Variants in DSP observed in about 807,000 individuals in gnomAD.
DSP encodes desmoplakin.
A neutral mutation model predicts 290.6 loss-of-function variants in DSP; 114 were observed. The observed-to-expected ratio is 0.39, with a 90% CI of 0.34 to 0.46. The LOEUF is 0.46. Among genes scored for constraint, DSP ranks in the 20% least tolerant of loss-of-function variants. DSP has a pLI of 0.99. For missense variants in DSP, 3,230 were observed against 3,495.8 expected, an observed-to-expected ratio of 0.92 and a Z score of 1.92; for synonymous variants, 1,311 against 1,316.4, an observed-to-expected ratio of 1.00 and a Z score of 0.09.
At chr6:7,542,548 T>C (rs1393138752) in intron 1 of DSP, among the ~76,000 whole-genome samples, 1 of 152,188 alleles carries the variant, frequency 6.6e-6, no homozygotes, top group African/African-American at 2.4e-5. Context: ...CCGCAGTCTC[T>C]ACCGGCTCAC....
In DSP at chr6:7,583,597, A is replaced by G. The variant is rs1396179636; in HGVS notation, c.6335A>G (p.Lys2112Arg). 2 of 1,614,214 alleles carry G rather than the reference A, an allele frequency of 1.2e-6. No homozygotes were observed. Among genetic ancestry groups the G allele is most frequent in the Admixed American group, 1.7e-5 (1 of 60,024 alleles). Residue 2112 changes from lysine (K) to arginine (R), a missense_variant, in exon 24 of 24, where the codon AAG becomes AGG. Lys to Arg is a conservative substitution (Grantham distance 26). Coordinates refer to ENST00000379802, the MANE Select transcript of DSP (RefSeq NM_004415.4). This position sits in a 1 kb window ranked among gnomAD's most constrained non-coding sequence, Gnocchi z 4.0. ...ACAGTATCTGTTTCAGAAGCCATCA[A>G]GAAAAATTTGATTGATAGAGAAACC... ...GKTVSVSEAI[K>R]KNLIDRETGM...
chr6:7,584,136 C>T lies in DSP; in HGVS notation c.6874C>T (p.Leu2292=), dbSNP rs779573036. Residue 2292 remains leucine, a synonymous_variant, in exon 24 of 24, where the codon CTG becomes TTG. Transcript: ENST00000379802. This position sits in a 1 kb window ranked among gnomAD's most constrained non-coding sequence, Gnocchi z 6.4. ...CCGACCTGGTACTGCTCTGGAGTTG[C>T]TGGAAGCCCAAGCAGCTACTGGCTT... ...LVRPGTALEL[L]EAQAATGFIV... The T allele has an allele frequency of 2.5e-6, 4 of 1,614,042 alleles. No homozygotes were observed. The highest frequency in any genetic ancestry group is 1.7e-5 in the Admixed American group (1 of 60,008).
At position 7,580,894 on chromosome 6, in the gene DSP, G is replaced by A; in HGVS notation, c.4704G>A (p.Leu1568=). The change falls in exon 23 of 24, where the codon CTG becomes CTA. Residue 1568 remains leucine (L), a synonymous_variant. Transcript: ENST00000379802. This position sits in a 1 kb window ranked among gnomAD's most constrained non-coding sequence, Gnocchi z 4.2. The part of the protein sequence containing the change: ...RFQNSLKELQ[L]QKQKVEEELN... ...AGAACTCTCTGAAAGAGCTGCAGCT[G>A]CAGAAGCAGAAGGTGGAAGAGGAGC... 1.2e-6 allele frequency: 2 copies of A among 1,614,170 alleles called. No individual in the cohort carries two copies. The highest frequency in any genetic ancestry group is 1.7e-6 in the Non-Finnish European group (2 of 1,180,034).
At position 7,566,319 on chromosome 6, in the gene DSP, G is replaced by T. The variant is rs553654092; in HGVS notation, c.940-58G>T. 4.2e-5 allele frequency: 57 copies of T among 1,346,832 alleles called. No homozygotes were observed. In the African/African-American group the frequency reaches 7.2e-4, roughly 17 times the overall value. 83.4% of individuals were successfully genotyped at this position (1,346,832 alleles called of 1,614,324 possible). A position where few individuals can be genotyped will look rare whatever the true frequency, so the allele number is the denominator to read the frequency against. On this transcript the variant is annotated intron_variant, in intron 7 of 23. Transcript: ENST00000379802. ...TTTCACTTTTAAAAAGTACTGTGGGGGTGATGGAAGTTTAATGATGACTTG... is the reference window on the plus strand; with the variant it reads ...TTTCACTTTTAAAAAGTACTGTGGGTGTGATGGAAGTTTAATGATGACTTG...
rs375529790 is a variant in DSP at position 7,558,096 on chromosome 6, A to C, written c.274-20A>C. ...TTCCTGGTAGTATGTGTTTTCCTTC[A>C]TGTGAGTGTTTTCTTTCAGGAATTG... On this transcript the variant is annotated intron_variant, in intron 2 of 23. Transcript: ENST00000379802. 1.9e-6 allele frequency: 3 copies of C among 1,614,188 alleles called. No individual in the cohort carries two copies. The highest frequency in any genetic ancestry group is 1.7e-6 in the Non-Finnish European group (2 of 1,180,012).
chr6:7,570,607 G>A lies in DSP; in HGVS notation c.1701+44G>A, dbSNP rs200320117. Reference sequence around the variant, plus strand: ...TTAGGCTGCCTGGAGGGAGGGCAGCGCTGCCCCCCGCAGTGCCTGTGTCCA... The same window carrying A: ...TTAGGCTGCCTGGAGGGAGGGCAGCACTGCCCCCCGCAGTGCCTGTGTCCA... On this transcript the variant is annotated intron_variant, in intron 13 of 23. Coordinates refer to ENST00000379802, the MANE Select transcript of DSP (RefSeq NM_004415.4). 1.0e-3 allele frequency: 1,615 copies of A among 1,610,294 alleles called. 3 individuals carry two copies. The highest frequency in any genetic ancestry group is 1.2e-3 in the Non-Finnish European group (1,382 of 1,179,548).
At chr6:7,574,620 C>T in intron 16 of DSP, 37 bp from the exon 17 acceptor site, 1 of 1,613,720 alleles carries the variant, frequency 6.2e-7, no homozygotes, top group Non-Finnish European at 8.5e-7. Context: ...CTAATTATGT[C>T]ACTGGCAATT....
chr6:7,586,625 A>G lies in DSP; in HGVS notation c.*747A>G, dbSNP rs1408791886. On this transcript the variant is annotated 3_prime_UTR_variant, in exon 24 of 24. Coordinates refer to ENST00000379802, the MANE Select transcript of DSP (RefSeq NM_004415.4). Reference sequence around the variant, plus strand: ...TTATAAGCATGTATAAACATTTAGCATATTTTTATCATAGGTCTAAAAATA... The same window carrying G: ...TTATAAGCATGTATAAACATTTAGCGTATTTTTATCATAGGTCTAAAAATA... 6.6e-6 allele frequency: 1 copy of G among 152,238 alleles called. No homozygotes were observed. The highest frequency in any genetic ancestry group is 1.5e-5 in the Non-Finnish European group (1 of 68,048). The allele number at this position is 152,238 out of a possible 1,614,324, so 9.4% of individuals were successfully genotyped here.
In DSP at chr6:7,574,120, T is replaced by G. The variant is rs1220579806; in HGVS notation, c.2165T>G (p.Val722Gly). 1.2e-6 allele frequency: 2 copies of G among 1,614,000 alleles called. No individual in the cohort carries two copies. The highest frequency in any genetic ancestry group is 1.7e-5 in the Admixed American group (1 of 60,006). The change falls in exon 16 of 24, where the codon GTT becomes GGT. Residue 722 changes from valine (V) to glycine (G), a missense_variant. Physicochemically the swap from Val to Gly is moderately radical, Grantham distance 109. Around this residue, in one of 5 missense-constraint regions of DSP, gnomAD observed 1,714 missense variants for 1,844.5 expected, o/e 0.93. Coordinates refer to ENST00000379802, the MANE Select transcript of DSP (RefSeq NM_004415.4). ...VQNDSQAIAEVLNQLKDMLAN... is the reference protein window; with the variant it reads ...VQNDSQAIAEGLNQLKDMLAN... ...AATGATTCACAAGCAATTGCTGAGG[T>G]TCTCAACCAGCTTAAAGATATGCTT...
chr6:7,563,250 A>C (rs1267321175), intron 5 of DSP, among the ~76,000 whole-genome samples: 1 of 152,168 alleles, frequency 6.6e-6, no homozygotes, highest in Admixed American at 6.5e-5. Flanking sequence ...ATTACAGCAT[A>C]AAATCATAAC....
chr6:7,549,550 T>C (rs1383977744), intron 1 of DSP, among the ~76,000 whole-genome samples: 13 of 152,264 alleles, frequency 8.5e-5, no homozygotes, highest in African/African-American at 3.1e-4. Context: ...AAATAGTATA[T>C]GTGAAAAATG....
At chr6:7,549,413 TGTTGGGATTACAGGC>T (rs1175517549) in intron 1 of DSP, among the ~76,000 whole-genome samples, 1 of 152,184 alleles carries the variant, frequency 6.6e-6, no homozygotes, top group African/African-American at 2.4e-5. Flanking sequence ...CCTCCTGAAG[TGTTGGGATTACAGGC>T]GTGAGCCACC....
intron 16 of DSP, 107 bp from the exon 17 acceptor site, chr6:7,574,550 T>A: frequency 6.6e-7 from 1 of 1,520,880 alleles, no homozygotes. Flanking sequence ...AAAATAAATT[T>A]TTATCTGCTT....
chr6:7,583,640 A>G lies in DSP; in HGVS notation c.6378A>G (p.Glu2126=), dbSNP rs1348311352. The G allele has an allele frequency of 2.5e-6, 4 of 1,614,114 alleles. No individual in the cohort carries two copies. The highest frequency in any genetic ancestry group is 1.1e-5 in the South Asian group (1 of 91,086). The stretch of plus-strand genomic sequence containing the variant: ...GAGAAACCGGAATGCGCCTGCTGGA[A>G]GCCCAGATTGCTTCAGGGGGTGTAG... ...IDRETGMRLL[E]AQIASGGVVD... The change falls in exon 24 of 24, where the codon GAA becomes GAG. Residue 2126 remains glutamate, a synonymous_variant. Coordinates refer to ENST00000379802, the MANE Select transcript of DSP (RefSeq NM_004415.4). This position sits in a 1 kb window ranked among gnomAD's most constrained non-coding sequence, Gnocchi z 4.0.
At chr6:7,558,031 G>T in intron 2 of DSP, 85 bp from the exon 3 acceptor site, 1 of 1,479,136 alleles carries the variant, frequency 6.8e-7, no homozygotes, top group Non-Finnish European at 9.5e-7. Context: ...CATGTTTACA[G>T]TGGAAGCTCT....
At position 7,541,682 on chromosome 6, in the gene DSP, T is replaced by C. The variant is rs1757974727; in HGVS notation, c.-234T>C. 5.3e-6 allele frequency: 3 copies of C among 567,478 alleles called. No individual in the cohort carries two copies. Among genetic ancestry groups the C allele is most frequent in the East Asian group, 3.2e-5 (1 of 31,102 alleles). The allele number at this position is 567,478 out of a possible 1,614,324, so 35.2% of individuals were successfully genotyped here. ...GCTCCGACGCAGCTCCTCTGCGCCCTTGCCGCCCTCCGAGCCACAGCTTTC... is the reference window on the plus strand; with the variant it reads ...GCTCCGACGCAGCTCCTCTGCGCCCCTGCCGCCCTCCGAGCCACAGCTTTC... On this transcript the variant is annotated 5_prime_UTR_variant, in exon 1 of 24. Transcript: ENST00000379802.
At chr6:7,560,412 G>C (rs115889390) in intron 4 of DSP, among the ~76,000 whole-genome samples, 1,566 of 152,154 alleles carry the variant, frequency 0.01, 36 homozygotes, top group African/African-American at 0.035. Context: ...AGAAGGTAAG[G>C]CTTAGAAAGA....
At position 7,579,614 on chromosome 6, in the gene DSP, C is replaced by T. The variant is rs779251147; in HGVS notation, c.3424C>T (p.Leu1142=). ...CCAACAGAAGAATGACTATGACCAACTGCAGAAAGCAAGGCAATGTGAAAA... is the reference window on the plus strand; with the variant it reads ...CCAACAGAAGAATGACTATGACCAATTGCAGAAAGCAAGGCAATGTGAAAA... ...FDQQKNDYDQ[L]QKARQCEKEN... is the part of the protein sequence containing the mutation. The change falls in exon 23 of 24, where the codon CTG becomes TTG. Residue 1142 remains leucine, a synonymous_variant. Transcript: ENST00000379802. The surrounding 1 kb of genome is among the most constrained non-coding windows in gnomAD (Gnocchi z 4.1). 8 of 1,614,004 alleles carry T rather than the reference C, an allele frequency of 5.0e-6. No homozygotes were observed. The highest frequency in any genetic ancestry group is 6.8e-6 in the Non-Finnish European group (8 of 1,180,026).
In DSP at chr6:7,585,634, G is replaced by A. The variant is rs749339594; in HGVS notation, c.8372G>A (p.Arg2791His). The A allele has an allele frequency of 1.7e-5, 27 of 1,614,144 alleles. No homozygotes were observed. Among genetic ancestry groups the A allele is most frequent in the Non-Finnish European group, 2.2e-5 (26 of 1,180,034 alleles). ...ATATCCTATAAGGATGCCATAAATC[G>A]CTCCATGGTAGAAGATATCACTGGG... ...LKISYKDAIN[R>H]SMVEDITGLR... The change falls in exon 24 of 24, where the codon CGC (arginine) becomes CAC (histidine). Residue 2791 changes from arginine to histidine, a missense_variant. Arg to His is a conservative substitution (Grantham distance 29, BLOSUM62 0). Coordinates refer to ENST00000379802, the MANE Select transcript of DSP (RefSeq NM_004415.4).
Sources: allele counts gnomAD v4.1 joint callset (sites outside exome capture counted in the v4.1 genomes callset), GRCh38; gene constraint gnomAD v4.1.1; regional missense constraint gnomAD v4.1.1; non-coding constraint Gnocchi (gnomAD v3.1); transcripts MANE v1.5; gene names NCBI Gene and HGNC (gene_info 2026-07-23, HGNC 2026-07-21).